Variants in RTCA observed in about 807,000 individuals in gnomAD.
RTCA encodes RNA 3'-terminal phosphate cyclase.
A neutral mutation model predicts 46.1 loss-of-function variants in RTCA; 37 were observed. That is an observed-to-expected ratio of 0.80 (90% confidence interval 0.62 to 1.06). RTCA has a LOEUF of 1.06. Ranked by LOEUF, RTCA falls within the 50% of genes least tolerant of loss-of-function variation. The pLI is 0.00. For synonymous variants in RTCA, 164 were observed against 158.3 expected, an observed-to-expected ratio of 1.04 and a Z score of -0.27; for missense variants, 435 against 455.5, an observed-to-expected ratio of 0.95 and a Z score of 0.41.
At chr1:100,283,989 A>C (rs1413985930) in intron 8 of RTCA, among the ~76,000 whole-genome samples, 1 of 148,928 alleles carries the variant, frequency 6.7e-6, no homozygotes, top group African/African-American at 2.4e-5. Flanking sequence ...AGAAAAATAG[A>C]GTTAAAATTC....
intron 4 of RTCA, 32 bp from the exon 5 acceptor site, chr1:100,273,362 A>T: frequency 7.0e-7 from 1 of 1,428,598 alleles, no homozygotes; most frequent in African/African-American, 1.4e-5. Context: ...AATATTGCTG[A>T]TTAACCTAAT....
chr1:100,282,568 C>A (rs1666767535), intron 8 of RTCA, among the ~76,000 whole-genome samples: 1 of 152,106 alleles, frequency 6.6e-6, no homozygotes, highest in Non-Finnish European at 1.5e-5. Context: ...GCCTCCTTAG[C>A]AAAGGATCTG....
intron 4 of RTCA, 150 bp from the exon 5 acceptor site, chr1:100,273,244 A>G (rs1280154310): frequency 2.1e-6 from 1 of 469,488 alleles, no homozygotes; most frequent in African/African-American, 2.0e-5. Context: ...TTTTTATTTG[A>G]AAAAAATGGA....
At chr1:100,286,642 C>A (rs912996580) in intron 9 of RTCA, among the ~76,000 whole-genome samples, 17 of 151,970 alleles carry the variant, frequency 1.1e-4, no homozygotes, top group Non-Finnish European at 1.8e-4. Flanking sequence ...ATATAGTCCT[C>A]GAGATTTCTT....
chr1:100,266,641 G>A lies in RTCA; in HGVS notation c.146+17G>A. The A allele has an allele frequency of 8.8e-6, 14 of 1,594,380 alleles. No individual in the cohort carries two copies. Among genetic ancestry groups the A allele is most frequent in the Non-Finnish European group, 1.2e-5 (14 of 1,168,366 alleles). The stretch of plus-strand genomic sequence containing the variant: ...AGGCCTGAGGTAAATCTGGCTGGAG[G>A]GGGAGTTGGGCCGTGAAGCTGGGGG... On this transcript the variant is annotated intron_variant, in intron 2 of 10. Coordinates refer to ENST00000370128, the MANE Select transcript of RTCA (RefSeq NM_003729.4).
chr1:100,268,270 C>T lies in RTCA; in HGVS notation c.265C>T (p.His89Tyr). ...ACCAGAGAAGATCAAAGGTGGAATC[C>T]ACACAGCAGATACCAAGACAGCAGG... ...FTPEKIKGGI[H>Y]TADTKTAGSV... Residue 89 changes from histidine (H) to tyrosine (Y), a missense_variant, in exon 3 of 11, where the codon CAC becomes TAC. Transcript: ENST00000370128. 1 of 1,613,652 alleles carries T rather than the reference C, an allele frequency of 6.2e-7. No homozygotes were observed. The highest frequency in any genetic ancestry group is 2.2e-5 in the East Asian group (1 of 44,872).
chr1:100,277,163 TCTGC>T, intron 7 of RTCA, 91 bp from the exon 8 acceptor site: 2 of 1,164,296 alleles, frequency 1.7e-6, no homozygotes, highest in South Asian at 2.5e-5. Flanking sequence ...CAGATTTAGT[TCTGC>T]CTATTTAATA....
intron 10 of RTCA, among the ~76,000 whole-genome samples, chr1:100,288,724 A>G (rs1667166320): frequency 6.6e-6 from 1 of 152,214 alleles, no homozygotes; most frequent in African/African-American, 2.4e-5. Flanking sequence ...TGACAAAAGT[A>G]ACATATATTA....
chr1:100,272,858 A>T (rs1476575287), intron 4 of RTCA, among the ~76,000 whole-genome samples: 4 of 152,234 alleles, frequency 2.6e-5, no homozygotes, highest in Admixed American at 6.5e-5. Context: ...ATTATATAAG[A>T]TATATCATTA....
intron 9 of RTCA, among the ~76,000 whole-genome samples, chr1:100,286,470 A>C (rs1241154848): frequency 4.0e-5 from 6 of 150,916 alleles, no homozygotes; most frequent in Admixed American, 2.0e-4. Context: ...AAAAAAAAAA[A>C]AAAAAACGAA....
chr1:100,285,188 G>A, intron 8 of RTCA, 40 bp from the exon 9 acceptor site: 1 of 1,500,122 alleles, frequency 6.7e-7, no homozygotes. Flanking sequence ...GTTTTGTTTT[G>A]TTTTGTTTTG....
chr1:100,280,731 G>A (rs1194627761), intron 8 of RTCA, among the ~76,000 whole-genome samples: 1 of 152,130 alleles, frequency 6.6e-6, no homozygotes, highest in African/African-American at 2.4e-5. Context: ...GCTGGGTGTG[G>A]TGGCGTATGC....
chr1:100,289,015 G>C (rs1368582038), intron 10 of RTCA, among the ~76,000 whole-genome samples: 1 of 152,048 alleles, frequency 6.6e-6, no homozygotes, highest in African/African-American at 2.4e-5. Context: ...GCAGAGACAG[G>C]GTTTCACTGT....
intron 2 of RTCA, chr1:100,267,630 C>T (rs1665860508): frequency 1.5e-6 from 2 of 1,332,816 alleles, no homozygotes; most frequent in Admixed American, 3.0e-5. Flanking sequence ...TACCTTGCCC[C>T]TAGCGTCTCT....
rs752696199 is a variant in RTCA at position 100,275,764 on chromosome 1, A to G, written c.740+41A>G. 3 of 1,521,020 alleles carry G rather than the reference A, an allele frequency of 2.0e-6. No homozygotes were observed. In the East Asian group the frequency reaches 7.0e-5, roughly 35 times the overall value. 94.2% of individuals were successfully genotyped at this position (1,521,020 alleles called of 1,614,324 possible). On this transcript the variant is annotated intron_variant, in intron 7 of 10. Coordinates refer to ENST00000370128, the MANE Select transcript of RTCA (RefSeq NM_003729.4). ...TTCCTACACATTAGTTGAGAACCCTAAAATAGTTATCTAATTAAATTAAAG... is the reference window on the plus strand; with the variant it reads ...TTCCTACACATTAGTTGAGAACCCTGAAATAGTTATCTAATTAAATTAAAG...
In RTCA at chr1:100,281,137, T is replaced by A. The variant is rs1288346598; in HGVS notation, c.799+3821T>A. On this transcript the variant is annotated intron_variant, in intron 8 of 10. Coordinates refer to ENST00000370128, the MANE Select transcript of RTCA (RefSeq NM_003729.4). The stretch of plus-strand genomic sequence containing the variant: ...AGGAAGTTGTAACTAGAGATGTCTT[T>A]ATCATTGTCTCAGTTACTATAACCA... 5.9e-6 allele frequency: 3 copies of A among 511,576 alleles called. No individual in the cohort carries two copies. The African/African-American group carries it at 5.9e-5, about 10-fold the overall frequency. The allele number at this position is 511,576 out of a possible 1,614,324, so 31.7% of individuals were successfully genotyped here. A position where few individuals can be genotyped will look rare whatever the true frequency, so the allele number is the denominator to read the frequency against.
At chr1:100,291,123 G>C (rs1170846294) in intron 10 of RTCA, among the ~76,000 whole-genome samples, 1 of 152,156 alleles carries the variant, frequency 6.6e-6, no homozygotes, top group Non-Finnish European at 1.5e-5. Context: ...CTGTACATCT[G>C]AGCTTTCTGA....
At chr1:100,272,351 A>C (rs868709758) in intron 4 of RTCA, among the ~76,000 whole-genome samples, 1 of 152,192 alleles carries the variant, frequency 6.6e-6, no homozygotes, top group African/African-American at 2.4e-5. Context: ...AATACTTGGT[A>C]GGGTGAGGTG....
intron 8 of RTCA, among the ~76,000 whole-genome samples, chr1:100,284,440 A>T (rs1034775918): frequency 1.3e-5 from 2 of 148,486 alleles, no homozygotes; most frequent in African/African-American, 5.0e-5. Context: ...GTCACCCAGG[A>T]TGGAGTACAG....
Sources: gnomAD v4.1 joint callset for allele counts (sites outside exome capture counted in the v4.1 genomes callset) on GRCh38, gnomAD v4.1.1 for gene constraint, MANE v1.5 for transcripts, NCBI Gene and HGNC (gene_info 2026-07-23, HGNC 2026-07-21) for gene names.